AGBL1: variants seen among roughly 807,000 people sequenced by gnomAD.
AGBL1 encodes the protein AGBL carboxypeptidase 1.
Under a neutral mutation model 118.9 loss-of-function variants are expected in AGBL1, and 130 were observed. That is an observed-to-expected ratio of 1.09 (90% CI 0.95 to 1.26). The LOEUF is 1.26. Ranked by LOEUF, AGBL1 falls within the 50% of genes most tolerant of loss-of-function variation. AGBL1 has a pLI of 0.00. For synonymous variants in AGBL1, 555 were observed against 478.9 expected, an observed-to-expected ratio of 1.16 and a Z score of -2.08; for missense variants, 1,584 against 1,298.1, an observed-to-expected ratio of 1.22 and a Z score of -3.38.
At chr15:86,923,578 TC>T (rs1361028895) in intron 23 of AGBL1, among the ~76,000 whole-genome samples, 4 of 152,240 alleles carry the variant, frequency 2.6e-5, no homozygotes, top group Non-Finnish European at 5.9e-5. Flanking sequence ...ATTAACTATA[TC>T]CTTTCGTGCT....
At chr15:86,700,932 G>A (rs1028481563) in intron 22 of AGBL1, among the ~76,000 whole-genome samples, 5 of 152,170 alleles carry the variant, frequency 3.3e-5, no homozygotes, top group Admixed American at 2.0e-4. Flanking sequence ...AGAGTCAGCC[G>A]GATCAGGAAC....
At position 86,261,232 on chromosome 15, in the gene AGBL1, A is replaced by C. The variant is rs534953292; in HGVS notation, c.970-1546A>C. 2.6e-5 allele frequency among the ~76,000 whole-genome samples: 4 copies of C among 152,220 alleles called. No homozygotes were observed. The South Asian group carries it at 8.3e-4, about 32-fold the overall frequency. On this transcript the variant is annotated intron_variant, in intron 9 of 22. Coordinates refer to ENST00000614907, the MANE Select transcript of AGBL1 (RefSeq NM_001386094.1). ...CACCAGTTGGAGCACAGCCTTACTC[A>C]CTGGTGGGGACATCCTTCCCAGTGG...
intron 22 of AGBL1, among the ~76,000 whole-genome samples, chr15:86,864,022 C>G (rs2079593501): frequency 1.3e-5 from 2 of 152,176 alleles, no homozygotes; most frequent in Admixed American, 1.3e-4. Context: ...CAAAGTCCCA[C>G]CTGCTTGTCC....
intron 19 of AGBL1, among the ~76,000 whole-genome samples, chr15:86,540,505 G>C (rs931264939): frequency 1.3e-5 from 2 of 152,116 alleles, no homozygotes. Context: ...TGAGCCACGA[G>C]AATTGCTTGA....
intron 17 of AGBL1, among the ~76,000 whole-genome samples, chr15:86,357,476 T>G (rs1276287687): frequency 6.6e-6 from 1 of 152,154 alleles, no homozygotes. Flanking sequence ...CACCTGAACT[T>G]CTTTATTTTA....
At chr15:86,687,118 A>C (rs1219272905) in intron 22 of AGBL1, among the ~76,000 whole-genome samples, 1 of 152,168 alleles carries the variant, frequency 6.6e-6, no homozygotes, top group African/African-American at 2.4e-5. Context: ...AAAGGGAATT[A>C]GAGGTTTATT....
At chr15:86,540,537 G>A (rs889659845) in intron 19 of AGBL1, among the ~76,000 whole-genome samples, 4 of 152,104 alleles carry the variant, frequency 2.6e-5, no homozygotes, top group Non-Finnish European at 5.9e-5. Flanking sequence ...GGAGGTTGCA[G>A]TGAGCTGAGA....
intron 18 of AGBL1, among the ~76,000 whole-genome samples, chr15:86,488,869 G>T (rs1416117568): frequency 6.6e-6 from 1 of 151,684 alleles, no homozygotes; most frequent in Non-Finnish European, 1.5e-5. Context: ...TCATTCTTCT[G>T]TCTTTACAAT....
chr15:86,094,406 A>G (rs981682988), intron 1 of AGBL1, among the ~76,000 whole-genome samples: 1 of 152,090 alleles, frequency 6.6e-6, no homozygotes, highest in African/African-American at 2.4e-5. Context: ...ATAACTTTCT[A>G]TTTAATTTGA....
chr15:86,844,010 C>A (rs1015316791), intron 22 of AGBL1, among the ~76,000 whole-genome samples: 1 of 152,128 alleles, frequency 6.6e-6, no homozygotes, highest in African/African-American at 2.4e-5. Flanking sequence ...TGGCTTCCTT[C>A]ACATGGCATA....
At chr15:86,619,706 G>A (rs1225373572) in intron 21 of AGBL1, among the ~76,000 whole-genome samples, 1 of 152,148 alleles carries the variant, frequency 6.6e-6, no homozygotes, top group Non-Finnish European at 1.5e-5. Context: ...AACGAGATCA[G>A]TAAGTGACAA....
intron 22 of AGBL1, among the ~76,000 whole-genome samples, chr15:86,890,397 A>T (rs1213647287): frequency 6.6e-6 from 1 of 152,136 alleles, no homozygotes; most frequent in Admixed American, 6.5e-5. Context: ...CATTAGTTTA[A>T]TTAGACTCCA....
In AGBL1 at chr15:86,197,885, G is replaced by A. The variant is rs1432938741; in HGVS notation, c.489-27029G>A. ...AACAGAGCTATTTCACTGAAAACATGAGCTATTCTTTAAAAAAAAAAAAGG... is the reference window on the plus strand; with the variant it reads ...AACAGAGCTATTTCACTGAAAACATAAGCTATTCTTTAAAAAAAAAAAAGG... On this transcript the variant is annotated intron_variant, in intron 5 of 22. Coordinates refer to ENST00000614907, the MANE Select transcript of AGBL1 (RefSeq NM_001386094.1). Among the ~76,000 whole-genome samples the A allele has an allele frequency of 2.0e-5, 3 of 151,124 alleles. No individual in the cohort carries two copies. In the East Asian group the frequency reaches 5.8e-4, roughly 29 times the overall value.
intron 5 of AGBL1, among the ~76,000 whole-genome samples, chr15:86,189,140 A>T (rs2077677137): frequency 6.6e-6 from 1 of 152,204 alleles, no homozygotes; most frequent in South Asian, 2.1e-4. Flanking sequence ...TTAGAGTGCA[A>T]TGTTAATTTC....
At chr15:86,840,354 A>T (rs564378471) in intron 22 of AGBL1, among the ~76,000 whole-genome samples, 1 of 152,312 alleles carries the variant, frequency 6.6e-6, no homozygotes, top group South Asian at 2.1e-4. Flanking sequence ...TATTGCTCCA[A>T]GATGACACTG....
intron 21 of AGBL1, among the ~76,000 whole-genome samples, chr15:86,611,626 T>G (rs2084655714): frequency 6.6e-6 from 1 of 152,172 alleles, no homozygotes; most frequent in Non-Finnish European, 1.5e-5. Flanking sequence ...AAATCTTTGC[T>G]GATTTATTGC....
chr15:86,253,403 A>G (rs994320846), intron 7 of AGBL1, among the ~76,000 whole-genome samples: 7 of 152,078 alleles, frequency 4.6e-5, no homozygotes, highest in African/African-American at 1.7e-4. Context: ...GCCATGCACC[A>G]CAATGCCTGG....
intron 17 of AGBL1, among the ~76,000 whole-genome samples, chr15:86,306,009 A>T (rs921292195): frequency 4.6e-5 from 7 of 151,630 alleles, no homozygotes; most frequent in Non-Finnish European, 8.8e-5. Flanking sequence ...TTTTAATTTA[A>T]TTTTTTTTAT....
chr15:86,639,055 C>G (rs2085150323), intron 21 of AGBL1, among the ~76,000 whole-genome samples: 1 of 152,208 alleles, frequency 6.6e-6, no homozygotes, highest in South Asian at 2.1e-4. Context: ...CTCACTTCAT[C>G]CATCTAGGCA....
Sources: allele counts gnomAD v4.1 joint callset (sites outside exome capture counted in the v4.1 genomes callset), GRCh38; gene constraint gnomAD v4.1.1; transcripts MANE v1.5; gene names NCBI Gene and HGNC (gene_info 2026-07-23, HGNC 2026-07-21).